The following MCF2L variants were observed in gnomAD, a reference collection of about 807,000 sequenced individuals.
MCF2L encodes the protein guanine nucleotide exchange factor DBS.
MCF2L carries 97 observed loss-of-function variants against 153.4 expected under a neutral mutation model. The ratio of observed to expected loss-of-function variants is 0.63; its 90% CI spans 0.54 to 0.75. The LOEUF (loss-of-function observed/expected upper bound fraction) is 0.75, where lower values mean the gene tolerates loss of function less well. Among genes scored for constraint, MCF2L ranks in the 30% least tolerant of loss-of-function variants. The pLI is 0.00. For missense variants in MCF2L, 1,347 were observed against 1,495.2 expected, an observed-to-expected ratio of 0.90 and a Z score of 1.64; for synonymous variants, 659 against 632.2, an observed-to-expected ratio of 1.04 and a Z score of -0.64.
intron 2 of MCF2L, among the ~76,000 whole-genome samples, chr13:113,020,121 A>G (rs908504943): frequency 2.6e-5 from 4 of 152,184 alleles, no homozygotes; most frequent in African/African-American, 9.7e-5. Flanking sequence ...TCATCTCCAC[A>G]CTGGCAGGAG....
At chr13:113,011,522 CTG>C in intron 1 of MCF2L, among the ~76,000 whole-genome samples, 6 of 126,728 alleles carry the variant, frequency 4.7e-5, no homozygotes, top group African/African-American at 1.6e-4. Flanking sequence ...GGTGGACAGG[CTG>C]GGTGGATGGT....
At position 113,074,374 on chromosome 13, in the gene MCF2L, G is replaced by C. The variant is rs2033223768; in HGVS notation, c.997-70G>C. The C allele has an allele frequency of 6.4e-7, 1 of 1,560,628 alleles. No individual in the cohort carries two copies. Among genetic ancestry groups the C allele is most frequent in the South Asian group, 1.1e-5 (1 of 89,090 alleles). On this transcript the variant is annotated intron_variant, in intron 9 of 29. Coordinates refer to ENST00000535094, the MANE Select transcript of MCF2L (RefSeq NM_001112732.3). This position sits in a 1 kb window ranked among gnomAD's most constrained non-coding sequence, Gnocchi z 4.2. Reference sequence around the variant, plus strand: ...AATTCTGTCATTTCCCTGATCTGGAGCACTGGAGTGGGTTCTCTCTGTTCA... The same window carrying C: ...AATTCTGTCATTTCCCTGATCTGGACCACTGGAGTGGGTTCTCTCTGTTCA...
chr13:113,032,028 T>C (rs1006957077), intron 3 of MCF2L, among the ~76,000 whole-genome samples: 1 of 152,174 alleles, frequency 6.6e-6, no homozygotes. Context: ...ACCACATGCA[T>C]GCACAGTTTG....
Position 113,046,654 on chromosome 13 carries a change from C to A in MCF2L, c.369+1293C>A. ...ACAACCTTCATCGTTTTGGTGCAAG[C>A]CTGTCCCTGAGCCGCTGGTTCTCAT... On this transcript the variant is annotated intron_variant, in intron 4 of 29. Transcript: ENST00000535094. The surrounding 1 kb of genome is among the most constrained non-coding windows in gnomAD (Gnocchi z 4.4). 1.9e-6 allele frequency: 1 copy of A among 533,324 alleles called. No individual in the cohort carries two copies. The highest frequency in any genetic ancestry group is 3.8e-6 in the Non-Finnish European group (1 of 259,904). 33.0% of individuals were successfully genotyped at this position (533,324 alleles called of 1,614,324 possible).
rs955670416 is a variant in MCF2L, at chr13:112,917,262, G to A, written c.169+14891G>A. Reference sequence around the variant, plus strand: ...CGCATCCTACAGGTCTCCCAGAGCCGCGTCATCCACTGCAGCTCCATCCAC... The same window carrying A: ...CGCATCCTACAGGTCTCCCAGAGCCACGTCATCCACTGCAGCTCCATCCAC... On this transcript the variant is annotated intron_variant, in intron 2 of 29. Coordinates refer to the MCF2L transcript ENST00000375608. The A allele has an allele frequency of 3.8e-5, 17 of 450,952 alleles. No homozygotes were observed. In the East Asian group the frequency reaches 4.2e-4, roughly 11 times the overall value. The allele number at this position is 450,952 out of a possible 1,614,324, so 27.9% of individuals were successfully genotyped here.
chr13:113,076,301 G>T, intron 12 of MCF2L, 144 bp downstream of exon 12: 1 of 601,376 alleles, frequency 1.7e-6, no homozygotes, highest in South Asian at 3.8e-5. Flanking sequence ...TCTCGCTCTT[G>T]TCGCCCAGGC....
At chr13:113,038,690 G>C (rs2086296763) in intron 3 of MCF2L, among the ~76,000 whole-genome samples, 1 of 151,996 alleles carries the variant, frequency 6.6e-6, no homozygotes, top group Non-Finnish European at 1.5e-5. Flanking sequence ...AAGGGGTGAG[G>C]AATAGTCACC....
intron 8 of MCF2L, among the ~76,000 whole-genome samples, chr13:113,067,265 C>G (rs79612923): frequency 1.4e-3 from 116 of 81,984 alleles, no homozygotes; most frequent in Admixed American, 1.7e-3. Context: ...CAGCTGGAGT[C>G]CCAGCTACGC....
intron 21 of MCF2L, 120 bp from the exon 22 acceptor site, chr13:113,087,115 C>T (rs1011108171): frequency 6.0e-6 from 5 of 832,320 alleles, no homozygotes; most frequent in South Asian, 1.8e-5. Flanking sequence ...CCTGGGACGC[C>T]CTGCAGCTGG....
At chr13:112,964,546 T>C (rs943670709), upstream of MCF2L, among the ~76,000 whole-genome samples, 2 of 152,250 alleles carry the variant, frequency 1.3e-5, no homozygotes, top group Non-Finnish European at 2.9e-5. Flanking sequence ...ATACCCTTTG[T>C]CCTGTATCTC....
chr13:112,988,396 G>T (rs569730025), intron 1 of MCF2L, among the ~76,000 whole-genome samples: 21 of 152,350 alleles, frequency 1.4e-4, no homozygotes, highest in African/African-American at 5.1e-4. Context: ...GCCCGGGCAC[G>T]TGAACCTTTC....
At chr13:113,066,691 C>T (rs2032415033) in intron 8 of MCF2L, among the ~76,000 whole-genome samples, 1 of 151,938 alleles carries the variant, frequency 6.6e-6, no homozygotes, top group African/African-American at 2.4e-5. Flanking sequence ...CTGAGCATCC[C>T]CCTCACCCCC....
At chr13:113,085,391 C>G (rs373564613) in intron 20 of MCF2L, among the ~76,000 whole-genome samples, 4 of 152,322 alleles carry the variant, frequency 2.6e-5, no homozygotes, top group African/African-American at 9.6e-5. Flanking sequence ...GTCCCCGTCC[C>G]CATGGGTTGG....
intron 3 of MCF2L, among the ~76,000 whole-genome samples, chr13:113,033,450 TGTGAGTGGCCCCCGTGGC>T (rs1186485410): frequency 3.0e-5 from 3 of 98,748 alleles, no homozygotes; most frequent in East Asian, 3.7e-4. Context: ...GCCCCCGTGA[TGTGAGTGGCCCCCGTGGC>T]GTGAGTGACC....
chr13:113,044,703 G>T (rs372502763), intron 3 of MCF2L: 32 of 1,612,796 alleles, frequency 2.0e-5, no homozygotes, highest in Non-Finnish European at 2.5e-5. Flanking sequence ...TATACAACGC[G>T]CAAGTGTGGT....
chr13:112,911,715 C>T (rs547012275), intron 2 of MCF2L, among the ~76,000 whole-genome samples: 2 of 152,386 alleles, frequency 1.3e-5, no homozygotes, highest in South Asian at 4.1e-4. Context: ...AGCCTTTCCT[C>T]ACAGAATACC....
At chr13:113,063,482 G>A (rs562062549) in intron 5 of MCF2L, among the ~76,000 whole-genome samples, 46 of 145,606 alleles carry the variant, frequency 3.2e-4, no homozygotes, top group African/African-American at 6.8e-4. Flanking sequence ...GCGTTCAGGC[G>A]TCCCTGTCCA....
At chr13:113,020,895 TGTA>T (rs2084838691) in intron 2 of MCF2L, among the ~76,000 whole-genome samples, 1 of 149,840 alleles carries the variant, frequency 6.7e-6, no homozygotes, top group African/African-American at 2.5e-5. Context: ...TGTGTGTATG[TGTA>T]GATGTGTGTA....
intron 2 of MCF2L, among the ~76,000 whole-genome samples, chr13:112,953,385 C>T (rs905075990): frequency 5.9e-5 from 9 of 152,238 alleles, no homozygotes; most frequent in East Asian, 3.9e-4. Context: ...AGCACAGCTG[C>T]GGGGAGGGGC....
Sources: allele counts gnomAD v4.1 joint callset (sites outside exome capture counted in the v4.1 genomes callset), GRCh38; gene constraint gnomAD v4.1.1; non-coding constraint Gnocchi (gnomAD v3.1); transcripts MANE v1.5; gene names NCBI Gene and HGNC (gene_info 2026-07-23, HGNC 2026-07-21).